LIPC: variants seen among roughly 807,000 people sequenced by gnomAD.
The protein encoded by LIPC is lipase C, hepatic type, also known as hepatic triacylglycerol lipase.
A neutral mutation model predicts 50.7 loss-of-function variants in LIPC; 44 were observed. The observed-to-expected ratio is 0.87, with a 90% CI of 0.68 to 1.11. LIPC has a LOEUF of 1.11. Ranked by LOEUF, LIPC falls within the 50% of genes most tolerant of loss-of-function variation. The probability of loss-of-function intolerance (pLI) is 0.00; values close to 1 mark genes in which losing one functional copy is unlikely to be tolerated. For missense variants in LIPC, 697 were observed against 648.2 expected (o/e 1.08, Z -0.82); for synonymous variants, 271 against 256.4 (o/e 1.06, Z -0.54).
At chr15:58,445,755 T>A (rs1467082564) in intron 1 of LIPC, among the ~76,000 whole-genome samples, 1 of 152,194 alleles carries the variant, frequency 6.6e-6, no homozygotes, top group Non-Finnish European at 1.5e-5. Context: ...CCTCGGTCAG[T>A]CATTAGTAAA....
intron 1 of LIPC, among the ~76,000 whole-genome samples, chr15:58,452,233 C>T (rs1893925968): frequency 6.6e-6 from 1 of 152,188 alleles, no homozygotes; most frequent in East Asian, 1.9e-4. Flanking sequence ...CACTCAAGAC[C>T]TCCTGAATCA....
chr15:58,506,451 G>T (rs1314654290), intron 1 of LIPC, among the ~76,000 whole-genome samples: 1 of 152,146 alleles, frequency 6.6e-6, no homozygotes, highest in African/African-American at 2.4e-5. Context: ...CAGGAGAGAG[G>T]CCTTTGACCA....
intron 1 of LIPC, among the ~76,000 whole-genome samples, chr15:58,504,173 C>A (rs1892073981): frequency 6.6e-6 from 1 of 152,182 alleles, no homozygotes; most frequent in Non-Finnish European, 1.5e-5. Context: ...CCCTCCAAAC[C>A]CCCTCAAGAT....
At chr15:58,536,650 G>A (rs1167665069) in intron 1 of LIPC, among the ~76,000 whole-genome samples, 5 of 152,164 alleles carry the variant, frequency 3.3e-5, no homozygotes, top group African/African-American at 1.2e-4. Context: ...TTGGAAGCAG[G>A]CTTCCAGGAG....
At chr15:58,482,319 T>C (rs1267942584) in intron 1 of LIPC, among the ~76,000 whole-genome samples, 1 of 152,128 alleles carries the variant, frequency 6.6e-6, no homozygotes, top group African/African-American at 2.4e-5. Context: ...TGAAGTGAAC[T>C]GGGAGAAAGC....
chr15:58,465,162 A>C (rs1179387092), intron 1 of LIPC, among the ~76,000 whole-genome samples: 2 of 152,224 alleles, frequency 1.3e-5, no homozygotes, highest in Non-Finnish European at 2.9e-5. Context: ...GGGGAAAAAG[A>C]AGATTCTGTG....
intron 1 of LIPC, among the ~76,000 whole-genome samples, chr15:58,487,873 G>A (rs1891431983): frequency 6.6e-6 from 1 of 152,190 alleles, no homozygotes; most frequent in Admixed American, 6.5e-5. Context: ...GGAGCATGGT[G>A]GGAATGTGGC....
At chr15:58,472,707 T>C (rs1023905567) in intron 1 of LIPC, among the ~76,000 whole-genome samples, 8 of 152,156 alleles carry the variant, frequency 5.3e-5, no homozygotes, top group Admixed American at 2.0e-4. Context: ...AATTAAATCA[T>C]TGTAATAATT....
chr15:58,562,809 C>CA (rs1894210301), intron 7 of LIPC, among the ~76,000 whole-genome samples: 1 of 151,520 alleles, frequency 6.6e-6, no homozygotes, highest in African/African-American at 2.4e-5. Context: ...CAAGGGACCC[C>CA]CCCCCAACCC....
chr15:58,483,332 T>C (rs1470081502), intron 1 of LIPC, among the ~76,000 whole-genome samples: 1 of 152,072 alleles, frequency 6.6e-6, no homozygotes, highest in African/African-American at 2.4e-5. Context: ...ATGTGGCAGG[T>C]GGGGAGAGCT....
chr15:58,524,665 T>C (rs1892749846), intron 1 of LIPC, among the ~76,000 whole-genome samples: 1 of 152,200 alleles, frequency 6.6e-6, no homozygotes, highest in Non-Finnish European at 1.5e-5. Flanking sequence ...GGAGTGAGGT[T>C]GAGGATCTTT....
At chr15:58,480,702 G>A (rs907806088) in intron 1 of LIPC, among the ~76,000 whole-genome samples, 3 of 152,190 alleles carry the variant, frequency 2.0e-5, no homozygotes, top group South Asian at 2.1e-4. Flanking sequence ...TTCTTGAAAC[G>A]TTATGAGATT....
intron 1 of LIPC, chr15:58,454,605 C>G (rs935297261): frequency 1.3e-5 from 2 of 152,282 alleles, no homozygotes; most frequent in African/African-American, 4.8e-5. Flanking sequence ...TTTACTCCCA[C>G]ATGGTGACCA....
intron 1 of LIPC, among the ~76,000 whole-genome samples, chr15:58,533,742 C>T (rs1023226808): frequency 2.0e-5 from 3 of 152,030 alleles, no homozygotes; most frequent in African/African-American, 7.2e-5. Flanking sequence ...GAACAAATAT[C>T]TCCATAAGAA....
chr15:58,528,081 A>G (rs530800472), intron 1 of LIPC, among the ~76,000 whole-genome samples: 4 of 150,976 alleles, frequency 2.6e-5, no homozygotes, highest in African/African-American at 9.7e-5. Context: ...CAGAGGTTGC[A>G]GTGAGCCGAG....
At chr15:58,558,553 G>A (rs1390820976) in intron 6 of LIPC, among the ~76,000 whole-genome samples, 1 of 152,320 alleles carries the variant, frequency 6.6e-6, no homozygotes, top group East Asian at 1.9e-4. Flanking sequence ...GGGCGAGCAA[G>A]CATAACCGCC....
In LIPC at chr15:58,542,571, T is replaced by C. The variant is rs375115836; in HGVS notation, c.494T>C (p.Ile165Thr). Residue 165 changes from isoleucine (I) to threonine (T), a missense_variant, in exon 4 of 9, where the codon ATT becomes ACT. Transcript: ENST00000299022. ...VQLSRSHVHL[I>T]GYSLGAHVSG... Reference sequence around the variant, plus strand: ...CTCTCTCGAAGCCATGTTCACCTAATTGGGTACAGCCTGGGTGCACACGTG... The same window carrying C: ...CTCTCTCGAAGCCATGTTCACCTAACTGGGTACAGCCTGGGTGCACACGTG... The C allele has an allele frequency of 1.5e-5, 24 of 1,613,654 alleles. No homozygotes were observed. The highest frequency in any genetic ancestry group is 1.9e-5 in the Non-Finnish European group (22 of 1,179,758).
intron 8 of LIPC, among the ~76,000 whole-genome samples, chr15:58,567,323 GTATA>G (rs1172336213): frequency 6.4e-5 from 2 of 31,284 alleles, no homozygotes; most frequent in African/African-American, 2.7e-4. Flanking sequence ...ATGTATATGT[GTATA>G]TATATATATA....
chr15:58,567,306 C>CATAT (rs377413022), intron 8 of LIPC, among the ~76,000 whole-genome samples: 1 of 107,398 alleles, frequency 9.3e-6, no homozygotes, highest in East Asian at 3.0e-4. Flanking sequence ...TATATATATA[C>CATAT]ATATATATGT....
Sources: allele counts gnomAD v4.1 joint callset (sites outside exome capture counted in the v4.1 genomes callset), GRCh38; gene constraint gnomAD v4.1.1; transcripts MANE v1.5; gene names NCBI Gene and HGNC (gene_info 2026-07-23, HGNC 2026-07-21).